The following CDH12 variants were observed in gnomAD, a reference collection of about 807,000 sequenced individuals.
The protein encoded by CDH12 is cadherin-12.
In CDH12, 41 loss-of-function variants were observed where a neutral mutation model predicts 74.1. That is an observed-to-expected ratio of 0.55 (90% CI 0.43 to 0.72). The LOEUF (loss-of-function observed/expected upper bound fraction) is 0.72, where lower values mean the gene tolerates loss of function less well. Ranked by LOEUF, CDH12 falls within the 30% of genes least tolerant of loss-of-function variation. The pLI is 0.00. For synonymous variants in CDH12, 399 were observed against 355.0 expected (o/e 1.12, Z -1.39); for missense variants, 945 against 977.2 (o/e 0.97, Z 0.44).
In CDH12 at chr5:22,138,844, TAATATATATATATATA is replaced by T. The variant is rs1746612591; in HGVS notation, c.-186-59998_-186-59983del. ...GAATATATATGTGTACATATATACG[TAATATATATATATATA>T]TATATATATATATATACATGTTGGA... On this transcript the variant is annotated intron_variant, in intron 4 of 14. Transcript: ENST00000382254. Among the ~76,000 whole-genome samples the T allele has an allele frequency of 9.4e-5, 4 of 42,580 alleles. 1 individual carries two copies. The Admixed American group carries it at 1.2e-3, about 12-fold the overall frequency. 27.9% of individuals were successfully genotyped at this position (42,580 alleles called of 152,430 possible). A position where few individuals can be genotyped will look rare whatever the true frequency, so the allele number is the denominator to read the frequency against.
At chr5:22,595,959 T>A (rs1333532684) in intron 1 of CDH12, among the ~76,000 whole-genome samples, 1 of 150,502 alleles carries the variant, frequency 6.6e-6, no homozygotes, top group East Asian at 1.9e-4. Flanking sequence ...ATTAAAAAAA[T>A]TAGCCTGGCG....
intron 2 of CDH12, among the ~76,000 whole-genome samples, chr5:22,421,943 G>C (rs1743671072): frequency 6.6e-6 from 1 of 152,216 alleles, no homozygotes; most frequent in Non-Finnish European, 1.5e-5. Flanking sequence ...GACCAGTGAT[G>C]ATGAGCTTTT....
intron 1 of CDH12, among the ~76,000 whole-genome samples, chr5:22,571,443 C>T (rs1391666603): frequency 1.3e-5 from 2 of 152,162 alleles, no homozygotes; most frequent in Non-Finnish European, 2.9e-5. Context: ...TCTCCTGCCT[C>T]AGCATCCTGA....
At chr5:21,838,184 A>G (rs1248547384) in intron 8 of CDH12, among the ~76,000 whole-genome samples, 2 of 152,354 alleles carry the variant, frequency 1.3e-5, no homozygotes, top group African/African-American at 2.4e-5. Context: ...TATGTGGAAA[A>G]TAGTGATCTT....
chr5:22,154,836 C>T (rs1011279489), intron 4 of CDH12, among the ~76,000 whole-genome samples: 1 of 152,052 alleles, frequency 6.6e-6, no homozygotes, highest in African/African-American at 2.4e-5. Context: ...CGGGAGCCTG[C>T]CACATTTTGG....
At chr5:22,724,434 C>G (rs529029054) in intron 1 of CDH12, among the ~76,000 whole-genome samples, 85 of 151,926 alleles carry the variant, frequency 5.6e-4, no homozygotes, top group Admixed American at 2.0e-3. Context: ...ATTCTTATGC[C>G]TTGGCATACT....
chr5:22,473,444 T>C (rs1038290018), intron 2 of CDH12, among the ~76,000 whole-genome samples: 1 of 152,146 alleles, frequency 6.6e-6, no homozygotes. Flanking sequence ...GTATAAAACA[T>C]ATTTATTGAA....
intron 6 of CDH12, among the ~76,000 whole-genome samples, chr5:21,922,263 C>A (rs1233974397): frequency 1.3e-5 from 2 of 152,212 alleles, no homozygotes; most frequent in South Asian, 4.1e-4. Flanking sequence ...CATAGAATTT[C>A]AGAGTACAGG....
At chr5:22,759,742 T>C (rs927336768) in intron 1 of CDH12, among the ~76,000 whole-genome samples, 13 of 152,198 alleles carry the variant, frequency 8.5e-5, no homozygotes, top group African/African-American at 2.9e-4. Flanking sequence ...TCCAGATAAA[T>C]AGAAACAATA....
At chr5:22,668,717 C>G (rs1740747886) in intron 1 of CDH12, among the ~76,000 whole-genome samples, 1 of 152,208 alleles carries the variant, frequency 6.6e-6, no homozygotes, top group Admixed American at 6.5e-5. Context: ...AACCCAACCT[C>G]TCAATACTGC....
At chr5:22,397,319 C>A (rs929715236) in intron 3 of CDH12, among the ~76,000 whole-genome samples, 1 of 152,078 alleles carries the variant, frequency 6.6e-6, no homozygotes, top group African/African-American at 2.4e-5. Context: ...GAATGTCTGT[C>A]CCATGAACAC....
intron 1 of CDH12, among the ~76,000 whole-genome samples, chr5:22,583,410 T>C (rs1740204040): frequency 6.6e-6 from 1 of 152,170 alleles, no homozygotes. Flanking sequence ...AATTCACTTA[T>C]TTACATACAG....
rs552154409 is a variant in CDH12, at chr5:22,797,854, T to G, written c.-523+55204A>C. ...TTTTAGAAAATGTGGGTTTATATTC[T>G]CTCCTGTATAAAATGCCAATAACAA... On this transcript the variant is annotated intron_variant, in intron 1 of 14. Coordinates refer to ENST00000382254, the MANE Select transcript of CDH12 (RefSeq NM_004061.5). 2.3e-4 allele frequency among the ~76,000 whole-genome samples: 35 copies of G among 152,328 alleles called. 1 individual carries two copies. In the South Asian group the frequency reaches 7.0e-3, roughly 31 times the overall value.
At chr5:22,405,474 A>C (rs1304950629) in intron 2 of CDH12, 123 bp from the exon 3 acceptor site, 1 of 158,170 alleles carries the variant, frequency 6.3e-6, no homozygotes, top group East Asian at 1.9e-4. Context: ...GAAATCTCTC[A>C]CATATTATAA....
intron 5 of CDH12, among the ~76,000 whole-genome samples, chr5:21,998,715 C>G (rs1235266419): frequency 3.3e-5 from 5 of 152,022 alleles, no homozygotes; most frequent in Admixed American, 6.6e-5. Flanking sequence ...TAAAAGCAAA[C>G]TTAAACATAT....
intron 3 of CDH12, among the ~76,000 whole-genome samples, chr5:22,368,783 A>G (rs1415618032): frequency 6.8e-6 from 1 of 147,396 alleles, no homozygotes; most frequent in African/African-American, 2.4e-5. Context: ...TAAGAGGTTG[A>G]CCTCAAAAGT....
chr5:22,153,872 GTA>G (rs369725207), intron 4 of CDH12, among the ~76,000 whole-genome samples: 28 of 123,488 alleles, frequency 2.3e-4, no homozygotes, highest in African/African-American at 6.8e-4. Flanking sequence ...ATATATATAT[GTA>G]TATATATATA....
intron 3 of CDH12, among the ~76,000 whole-genome samples, chr5:22,237,228 T>G (rs2150378625): frequency 6.6e-6 from 1 of 152,246 alleles, no homozygotes; most frequent in South Asian, 2.1e-4. Flanking sequence ...GATGTCGATG[T>G]GGTCTGTCAT....
chr5:22,678,806 C>T lies in CDH12; in HGVS notation c.-522-173442G>A, dbSNP rs1369246500. ...CAAAGATTATGATCTTATTTATTTACCTTTACTACATCAGCTTGAAAGCTC... is the reference window on the plus strand; with the variant it reads ...CAAAGATTATGATCTTATTTATTTATCTTTACTACATCAGCTTGAAAGCTC... On this transcript the variant is annotated intron_variant, in intron 1 of 14. Coordinates refer to ENST00000382254, the MANE Select transcript of CDH12 (RefSeq NM_004061.5). 3.3e-5 allele frequency among the ~76,000 whole-genome samples: 5 copies of T among 152,124 alleles called. No homozygotes were observed. In the South Asian group the frequency reaches 6.2e-4, roughly 19 times the overall value.
Sources: gnomAD v4.1 joint callset for allele counts (sites outside exome capture counted in the v4.1 genomes callset) on GRCh38, gnomAD v4.1.1 for gene constraint, MANE v1.5 for transcripts, NCBI Gene and HGNC (gene_info 2026-07-23, HGNC 2026-07-21) for gene names.